Variants in GRIK4 observed in about 807,000 individuals in gnomAD.
GRIK4 encodes the protein glutamate receptor ionotropic, kainate 4.
GRIK4 carries 40 observed loss-of-function variants against 104.9 expected under a neutral mutation model. That is an observed-to-expected ratio of 0.38 (90% CI 0.30 to 0.50). The LOEUF (loss-of-function observed/expected upper bound fraction) is 0.50. GRIK4 is among the 20% of genes least tolerant of loss of function. The probability of loss-of-function intolerance (pLI) is 0.93; values close to 1 mark genes in which losing one functional copy is unlikely to be tolerated. For missense variants in GRIK4, 1,047 were observed against 1,308.1 expected, an observed-to-expected ratio of 0.80 and a Z score of 3.08; for synonymous variants, 485 against 524.9, an observed-to-expected ratio of 0.92 and a Z score of 1.04.
chr11:120,563,867 G>A (rs1190751856), intron 1 of GRIK4, among the ~76,000 whole-genome samples: 1 of 152,196 alleles, frequency 6.6e-6, no homozygotes, highest in Non-Finnish European at 1.5e-5. Context: ...CCTGGGGTCG[G>A]TTGTGCCTCC....
At chr11:120,843,895 C>A (rs1953786909) in intron 8 of GRIK4, among the ~76,000 whole-genome samples, 1 of 152,154 alleles carries the variant, frequency 6.6e-6, no homozygotes, top group South Asian at 2.1e-4. Flanking sequence ...GAAGCAGTTT[C>A]TGTTCACCCG....
At chr11:120,531,799 C>T (rs933738755) in intron 1 of GRIK4, among the ~76,000 whole-genome samples, 2 of 152,088 alleles carry the variant, frequency 1.3e-5, no homozygotes, top group African/African-American at 4.8e-5. Flanking sequence ...TGGTCTCGGA[C>T]TCCTGACCTC....
At chr11:120,794,851 G>C (rs935909608) in intron 3 of GRIK4, among the ~76,000 whole-genome samples, 4 of 152,154 alleles carry the variant, frequency 2.6e-5, no homozygotes, top group Non-Finnish European at 5.9e-5. Flanking sequence ...GCCCCAGGTG[G>C]GGACGAAGGC....
Position 120,815,493 on chromosome 11 carries a change from C to T in GRIK4, c.345+18C>T. On this transcript the variant is annotated intron_variant, in intron 5 of 20. Transcript: ENST00000527524. ...AGAAGGAGGTGAGTGTGAGGCAGGG[C>T]TGGGGAATATCTGTGTGCTGGAGCC... The T allele has an allele frequency of 7.0e-7, 1 of 1,424,016 alleles. No homozygotes were observed. The highest frequency in any genetic ancestry group is 9.6e-7 in the Non-Finnish European group (1 of 1,038,286). The allele number at this position is 1,424,016 out of a possible 1,614,324, so 88.2% of individuals were successfully genotyped here. A position where few individuals can be genotyped will look rare whatever the true frequency, so the allele number is the denominator to read the frequency against.
At chr11:120,862,189 C>A in intron 9 of GRIK4, 69 bp downstream of exon 9, 1 of 1,340,834 alleles carries the variant, frequency 7.5e-7, no homozygotes, top group Middle Eastern at 2.6e-4. Context: ...TGGGCCAACC[C>A]CTGGGCAACA....
intron 1 of GRIK4, among the ~76,000 whole-genome samples, chr11:120,564,144 C>A (rs1948276475): frequency 6.6e-6 from 1 of 151,950 alleles, no homozygotes; most frequent in African/African-American, 2.4e-5. Context: ...AGCGCTGGAG[C>A]CCCAGCCAGC....
chr11:120,922,827 G>T (rs1943253193), intron 13 of GRIK4, among the ~76,000 whole-genome samples: 2 of 152,176 alleles, frequency 1.3e-5, no homozygotes, highest in African/African-American at 4.8e-5. Flanking sequence ...CTTATCTTAT[G>T]CAGCCTTCAG....
intron 6 of GRIK4, among the ~76,000 whole-genome samples, chr11:120,825,604 G>C (rs1046790360): frequency 2.6e-5 from 4 of 152,184 alleles, no homozygotes; most frequent in African/African-American, 9.7e-5. Flanking sequence ...GAGCAGACTT[G>C]GATCTCGAGG....
chr11:120,779,799 G>A (rs923742878), intron 3 of GRIK4, among the ~76,000 whole-genome samples: 13 of 152,218 alleles, frequency 8.5e-5, no homozygotes, highest in African/African-American at 3.1e-4. Flanking sequence ...TAGGCAGGTA[G>A]TATTTCTACA....
At chr11:120,926,440 T>C (rs1943347200) in intron 13 of GRIK4, among the ~76,000 whole-genome samples, 1 of 152,204 alleles carries the variant, frequency 6.6e-6, no homozygotes, top group South Asian at 2.1e-4. Flanking sequence ...GCTTTTTGTG[T>C]ATTCATTAAT....
chr11:120,693,792 T>G (rs1950401756), intron 3 of GRIK4, among the ~76,000 whole-genome samples: 1 of 152,170 alleles, frequency 6.6e-6, no homozygotes, highest in Non-Finnish European at 1.5e-5. Context: ...GCTCCCATTT[T>G]CCACCTTGGA....
intron 3 of GRIK4, among the ~76,000 whole-genome samples, chr11:120,771,261 T>A (rs1036658269): frequency 1.3e-5 from 2 of 152,130 alleles, no homozygotes; most frequent in Non-Finnish European, 2.9e-5. Flanking sequence ...ATAGAGGCCA[T>A]CCCAATGAAA....
chr11:120,963,755 C>T (rs534383271), intron 18 of GRIK4, among the ~76,000 whole-genome samples: 4 of 152,224 alleles, frequency 2.6e-5, no homozygotes, highest in Admixed American at 2.0e-4. Flanking sequence ...AGGCAGACCC[C>T]GGGATGTGTT....
intron 3 of GRIK4, among the ~76,000 whole-genome samples, chr11:120,777,247 A>T (rs1475424734): frequency 6.6e-6 from 1 of 152,128 alleles, no homozygotes; most frequent in East Asian, 1.9e-4. Flanking sequence ...TCTTTTCTCC[A>T]GTCACCCCCA....
intron 3 of GRIK4, among the ~76,000 whole-genome samples, chr11:120,673,714 T>A (rs1418253042): frequency 6.6e-6 from 1 of 152,212 alleles, no homozygotes; most frequent in Non-Finnish European, 1.5e-5. Flanking sequence ...CAGACCTTTT[T>A]GTCTCAGTCT....
At chr11:120,860,469 T>C (rs1029642498) in intron 8 of GRIK4, among the ~76,000 whole-genome samples, 7 of 152,138 alleles carry the variant, frequency 4.6e-5, no homozygotes, top group African/African-American at 1.7e-4. Context: ...ATGAGGACCA[T>C]GGGTTGCAGG....
chr11:120,722,986 C>T (rs17311407), intron 3 of GRIK4, among the ~76,000 whole-genome samples: 16,700 of 152,232 alleles, frequency 0.11, 1,349 homozygotes, highest in Middle Eastern at 0.18. Flanking sequence ...ATTCCTCATC[C>T]GTAAATGGTG....
chr11:120,521,726 G>A (rs147456180), intron 1 of GRIK4, among the ~76,000 whole-genome samples: 4 of 152,274 alleles, frequency 2.6e-5, no homozygotes, highest in Admixed American at 6.5e-5. Context: ...TAATGAGAAC[G>A]CCTGTTGTAT....
intron 9 of GRIK4, among the ~76,000 whole-genome samples, chr11:120,865,164 A>G (rs924099161): frequency 6.6e-6 from 1 of 152,148 alleles, no homozygotes; most frequent in Non-Finnish European, 1.5e-5. Flanking sequence ...CAACTCCTAA[A>G]TCTCATGATA....
Sources: gnomAD v4.1 joint callset for allele counts (sites outside exome capture counted in the v4.1 genomes callset) on GRCh38, gnomAD v4.1.1 for gene constraint, MANE v1.5 for transcripts, NCBI Gene and HGNC (gene_info 2026-07-23, HGNC 2026-07-21) for gene names.